The following ADAM18 variants were observed in gnomAD, a reference collection of about 807,000 sequenced individuals.
ADAM18 encodes disintegrin and metalloproteinase domain-containing protein 18.
Under a neutral mutation model 94.4 loss-of-function variants are expected in ADAM18, and 117 were observed. The observed-to-expected ratio is 1.24, with a 90% CI of 1.07 to 1.45. The LOEUF is 1.45. Ranked by LOEUF, ADAM18 falls within the 40% of genes most tolerant of loss-of-function variation. The probability of loss-of-function intolerance (pLI) is 0.00; values close to 1 mark genes in which losing one functional copy is unlikely to be tolerated. For synonymous variants in ADAM18, 327 were observed against 291.6 expected, an observed-to-expected ratio of 1.12 and a Z score of -1.24; for missense variants, 936 against 880.0, an observed-to-expected ratio of 1.06 and a Z score of -0.81.
intron 17 of ADAM18, among the ~76,000 whole-genome samples, chr8:39,705,897 A>G (rs901063643): frequency 1.3e-5 from 2 of 152,102 alleles, no homozygotes; most frequent in African/African-American, 4.8e-5. Context: ...AGTTCATAGT[A>G]TATTGTTATG....
At chr8:39,671,972 T>C (rs1165010892) in intron 14 of ADAM18, among the ~76,000 whole-genome samples, 1 of 152,028 alleles carries the variant, frequency 6.6e-6, no homozygotes, top group African/African-American at 2.4e-5. Context: ...TATTTATTGT[T>C]TTGGAAACAC....
At chr8:39,596,799 A>C (rs1014760159) in intron 2 of ADAM18, among the ~76,000 whole-genome samples, 4 of 152,228 alleles carry the variant, frequency 2.6e-5, no homozygotes, top group African/African-American at 9.6e-5. Flanking sequence ...CAAACGAAGA[A>C]TAAGAGTTCC....
intron 6 of ADAM18, among the ~76,000 whole-genome samples, chr8:39,626,153 T>C (rs1045510941): frequency 6.6e-6 from 1 of 152,190 alleles, no homozygotes; most frequent in African/African-American, 2.4e-5. Flanking sequence ...GGGTTGTGTG[T>C]TTCCAGGAAT....
At chr8:39,637,775 T>C (rs915940296) in intron 9 of ADAM18, 72 bp downstream of exon 9, 1 of 1,374,668 alleles carries the variant, frequency 7.3e-7, no homozygotes, top group East Asian at 2.6e-5. Context: ...GTGAATTTAT[T>C]GCGTTCTTCA....
chr8:39,593,718 C>G (rs2129458103), intron 2 of ADAM18, among the ~76,000 whole-genome samples: 1 of 152,116 alleles, frequency 6.6e-6, no homozygotes, highest in South Asian at 2.1e-4. Context: ...TGGGGCATAC[C>G]CATTTAGGAT....
intron 2 of ADAM18, among the ~76,000 whole-genome samples, chr8:39,588,900 A>G (rs1046200544): frequency 1.3e-5 from 2 of 152,184 alleles, no homozygotes; most frequent in African/African-American, 4.8e-5. Context: ...GTTCTGGTTT[A>G]GATATGGTCA....
At chr8:39,600,263 T>A (rs534039861) in intron 2 of ADAM18, among the ~76,000 whole-genome samples, 1 of 152,320 alleles carries the variant, frequency 6.6e-6, no homozygotes, top group South Asian at 2.1e-4. Context: ...TGTTTAAAAT[T>A]ATTTCTAAAT....
chr8:39,661,899 T>C (rs1397262997), intron 12 of ADAM18, among the ~76,000 whole-genome samples: 10 of 150,958 alleles, frequency 6.6e-5, no homozygotes, highest in East Asian at 3.9e-4. Flanking sequence ...ACCTAGAACA[T>C]ATCCGTAGTG....
chr8:39,722,664 CCTT>C (rs1282770663), intron 18 of ADAM18, among the ~76,000 whole-genome samples: 1 of 151,462 alleles, frequency 6.6e-6, no homozygotes, highest in Non-Finnish European at 1.5e-5. Flanking sequence ...ACTTGTACCT[CCTT>C]AATCTATTTT....
intron 14 of ADAM18, among the ~76,000 whole-genome samples, chr8:39,673,232 C>A (rs572291524): frequency 7.9e-5 from 12 of 152,090 alleles, no homozygotes; most frequent in Admixed American, 5.9e-4. Flanking sequence ...GCATTCACTG[C>A]GCCAGGGTAT....
At chr8:39,610,801 G>A (rs1267467095) in intron 6 of ADAM18, 95 bp downstream of exon 6, 14 of 1,383,948 alleles carry the variant, frequency 1.0e-5, no homozygotes, top group South Asian at 5.8e-5. Flanking sequence ...CTGTTGAGTA[G>A]GAATATTAAA....
At chr8:39,723,944 T>A (rs1329703106) in intron 19 of ADAM18, 37 bp downstream of exon 19, 6 of 1,252,948 alleles carry the variant, frequency 4.8e-6, no homozygotes, top group Non-Finnish European at 6.3e-6. Context: ...TAGGTTTAAT[T>A]ATCCTAGTCA....
At chr8:39,590,686 A>T (rs890966160) in intron 2 of ADAM18, among the ~76,000 whole-genome samples, 3 of 152,310 alleles carry the variant, frequency 2.0e-5, no homozygotes, top group African/African-American at 7.2e-5. Context: ...TCCAAAATAA[A>T]TTTTTTCTAG....
intron 18 of ADAM18, among the ~76,000 whole-genome samples, chr8:39,721,937 A>G (rs1822761912): frequency 1.3e-5 from 2 of 151,182 alleles, no homozygotes. Flanking sequence ...ATTATACATC[A>G]TATGTTCGTT....
chr8:39,724,755 C>T (rs1822853332), intron 19 of ADAM18, among the ~76,000 whole-genome samples: 1 of 151,826 alleles, frequency 6.6e-6, no homozygotes, highest in African/African-American at 2.4e-5. Context: ...CATATATTTT[C>T]ATTTCCATTC....
rs765144587 is a variant in ADAM18, at chr8:39,663,808, A to G, written c.1244A>G (p.Lys415Arg). 1 of 1,611,028 alleles carries G rather than the reference A, an allele frequency of 6.2e-7. No individual in the cohort carries two copies. Among genetic ancestry groups the G allele is most frequent in the South Asian group, 1.1e-5 (1 of 90,224 alleles). The change falls in exon 13 of 20, where the codon AAG becomes AGG. Residue 415 changes from lysine to arginine, a missense_variant. By Grantham distance (26) the Lys-to-Arg change is conservative (BLOSUM62 2). Transcript: ENST00000265707. ...DCGNKNECQF[K>R]KCCDYNTCKL... ...GTAAAATTTTAGGAATGTCAATTTA[A>G]GAAGTGCTGTGATTATAACACATGT...
At chr8:39,607,192 C>G (rs538153719) in intron 3 of ADAM18, among the ~76,000 whole-genome samples, 1 of 152,228 alleles carries the variant, frequency 6.6e-6, no homozygotes, top group South Asian at 2.1e-4. Flanking sequence ...CTGTTGCCAC[C>G]ATCAAATATA....
intron 2 of ADAM18, among the ~76,000 whole-genome samples, chr8:39,588,996 T>G (rs1818489945): frequency 6.6e-6 from 1 of 152,164 alleles, no homozygotes; most frequent in Non-Finnish European, 1.5e-5. Flanking sequence ...AATCTGTCAT[T>G]AGTTAAGAAG....
intron 12 of ADAM18, among the ~76,000 whole-genome samples, chr8:39,659,635 C>G (rs1453613016): frequency 6.6e-6 from 1 of 151,954 alleles, no homozygotes; most frequent in Non-Finnish European, 1.5e-5. Context: ...GGACCATGCA[C>G]GTATCCATAG....
Sources: gnomAD v4.1 joint callset for allele counts (sites outside exome capture counted in the v4.1 genomes callset) on GRCh38, gnomAD v4.1.1 for gene constraint, MANE v1.5 for transcripts, NCBI Gene and HGNC (gene_info 2026-07-23, HGNC 2026-07-21) for gene names.